The following CPQ variants were observed in gnomAD, a reference collection of about 807,000 sequenced individuals.
The protein encoded by CPQ is Ser-Met dipeptidase.
A neutral mutation model predicts 45.7 loss-of-function variants in CPQ; 37 were observed. That is an observed-to-expected ratio of 0.81 (90% confidence interval 0.62 to 1.07). CPQ has a LOEUF of 1.07. Among genes scored for constraint, CPQ ranks in the 50% least tolerant of loss-of-function variants. The pLI is 0.00. For synonymous variants in CPQ, 186 were observed against 205.8 expected, an observed-to-expected ratio of 0.90 and a Z score of 0.82; for missense variants, 537 against 572.9, an observed-to-expected ratio of 0.94 and a Z score of 0.64.
intron 6 of CPQ, among the ~76,000 whole-genome samples, chr8:97,051,412 G>A (rs900116984): frequency 5.9e-5 from 9 of 152,108 alleles, no homozygotes; most frequent in Non-Finnish European, 8.8e-5. Flanking sequence ...TTATGACTAT[G>A]ATATCAAAGT....
At chr8:96,686,350 A>C (rs1471727072) in intron 1 of CPQ, among the ~76,000 whole-genome samples, 1 of 152,042 alleles carries the variant, frequency 6.6e-6, no homozygotes, top group Non-Finnish European at 1.5e-5. Context: ...ATATTTTGTC[A>C]TATTAAGAGA....
intron 2 of CPQ, among the ~76,000 whole-genome samples, chr8:96,818,264 A>G (rs1811256235): frequency 1.3e-5 from 2 of 151,974 alleles, no homozygotes; most frequent in African/African-American, 4.8e-5. Context: ...CGGACAAGTC[A>G]GAACACAAGC....
chr8:96,860,095 CT>C (rs1253461577), intron 3 of CPQ, among the ~76,000 whole-genome samples: 1 of 152,088 alleles, frequency 6.6e-6, no homozygotes, highest in Non-Finnish European at 1.5e-5. Flanking sequence ...GTTCTATGAA[CT>C]CTTTTAGAGA....
intron 2 of CPQ, among the ~76,000 whole-genome samples, chr8:96,801,913 T>G (rs1160872824): frequency 6.6e-6 from 1 of 152,192 alleles, no homozygotes; most frequent in East Asian, 1.9e-4. Flanking sequence ...AAAATCGTGG[T>G]CAATAATTAA....
chr8:96,657,531 G>A (rs142412034), intron 1 of CPQ, among the ~76,000 whole-genome samples: 47 of 152,222 alleles, frequency 3.1e-4, no homozygotes, highest in Non-Finnish European at 4.3e-4. Flanking sequence ...TCTTTGGATT[G>A]TTGCTTGTTG....
chr8:96,675,107 A>G (rs1809058947), intron 1 of CPQ, among the ~76,000 whole-genome samples: 1 of 152,040 alleles, frequency 6.6e-6, no homozygotes, highest in African/African-American at 2.4e-5. Context: ...AGGCTTTACA[A>G]ATTTTTAGTT....
chr8:96,831,056 G>T (rs893488923), intron 2 of CPQ, among the ~76,000 whole-genome samples: 1 of 152,118 alleles, frequency 6.6e-6, no homozygotes, highest in East Asian at 1.9e-4. Flanking sequence ...GTGAATATTA[G>T]TGTAAATAAT....
intron 4 of CPQ, among the ~76,000 whole-genome samples, chr8:96,965,425 A>G (rs559064966): frequency 7.4e-6 from 1 of 135,830 alleles, no homozygotes; most frequent in South Asian, 2.2e-4. Context: ...CCCGGAGTGC[A>G]GTGGCGCAAT....
rs1158231893 is a variant in CPQ at position 97,066,064 on chromosome 8, C to T, written c.1109C>T (p.Pro370Leu). 1 of 1,611,604 alleles carries T rather than the reference C, an allele frequency of 6.2e-7. No individual in the cohort carries two copies. Among genetic ancestry groups the T allele is most frequent in the Admixed American group, 1.7e-5 (1 of 59,684 alleles). The change falls in exon 7 of 8, where the codon CCC becomes CTC. Residue 370 changes from proline to leucine, a missense_variant. Coordinates refer to ENST00000220763, the MANE Select transcript of CPQ (RefSeq NM_016134.4). ...VMESDAGTFL[P>L]TGLQFTGSEK... ...GAGTCTGACGCAGGAACCTTCTTAC[C>T]CACTGGGCTGCAATTCACTGGCAGT...
At chr8:97,015,490 A>G (rs1348341163) in intron 5 of CPQ, among the ~76,000 whole-genome samples, 2 of 152,158 alleles carry the variant, frequency 1.3e-5, no homozygotes, top group African/African-American at 4.8e-5. Context: ...TATCTCAATC[A>G]AGGTAAAATA....
At chr8:96,926,634 C>CCTTCTT (rs1346468043) in intron 4 of CPQ, among the ~76,000 whole-genome samples, 1 of 74,518 alleles carries the variant, frequency 1.3e-5, no homozygotes, top group South Asian at 3.8e-4. Context: ...TCCTCCTTCT[C>CCTTCTT]CTTCTTCTTC....
chr8:96,783,623 C>A (rs1222837857), intron 1 of CPQ, among the ~76,000 whole-genome samples: 1 of 152,104 alleles, frequency 6.6e-6, no homozygotes, highest in Non-Finnish European at 1.5e-5. Flanking sequence ...AACATTCAAA[C>A]AATAGCAGAC....
At chr8:96,881,974 TCAGA>T (rs1812229376) in intron 4 of CPQ, among the ~76,000 whole-genome samples, 1 of 152,228 alleles carries the variant, frequency 6.6e-6, no homozygotes, top group Non-Finnish European at 1.5e-5. Flanking sequence ...TTTAGAAATT[TCAGA>T]CTTGTATTTT....
At chr8:96,861,573 T>C (rs1811926461) in intron 3 of CPQ, among the ~76,000 whole-genome samples, 1 of 152,172 alleles carries the variant, frequency 6.6e-6, no homozygotes, top group Admixed American at 6.5e-5. Flanking sequence ...TTGCTAATTC[T>C]GGCGTCAGAA....
chr8:96,833,691 C>T (rs1811489082), intron 2 of CPQ, among the ~76,000 whole-genome samples: 1 of 152,150 alleles, frequency 6.6e-6, no homozygotes, highest in African/African-American at 2.4e-5. Context: ...CATAATTATA[C>T]ATTGCTTCTT....
rs1414315838 is a variant in CPQ at position 96,815,016 on chromosome 8, G to A, written c.434-19957G>A. Among the ~76,000 whole-genome samples, 7 of 152,102 alleles carry A rather than the reference G, an allele frequency of 4.6e-5. 1 individual carries two copies. Among genetic ancestry groups the A allele is most frequent in the Non-Finnish European group, 8.8e-5 (6 of 68,016 alleles). The stretch of plus-strand genomic sequence containing the variant: ...GGTTTGGCAACCCCACTTTGCCAGC[G>A]GAGGGTGCAGATGGGGAGTGATTAT... On this transcript the variant is annotated intron_variant, in intron 2 of 7. Transcript: ENST00000220763.
At chr8:96,815,185 A>G (rs1038350914) in intron 2 of CPQ, among the ~76,000 whole-genome samples, 2 of 152,128 alleles carry the variant, frequency 1.3e-5, no homozygotes, top group Non-Finnish European at 2.9e-5. Flanking sequence ...TTTAACCTGA[A>G]CAAAGGTATT....
intron 2 of CPQ, among the ~76,000 whole-genome samples, chr8:96,818,835 T>C (rs1313858195): frequency 6.6e-6 from 1 of 152,162 alleles, no homozygotes; most frequent in Non-Finnish European, 1.5e-5. Flanking sequence ...CTCTTTGTTA[T>C]TCAATCCTCA....
chr8:97,120,281 C>T (rs1586550538), intron 7 of CPQ, among the ~76,000 whole-genome samples: 1 of 152,324 alleles, frequency 6.6e-6, no homozygotes, highest in Middle Eastern at 3.4e-3. Context: ...ACCCTCTATA[C>T]CCAACTCCAG....
Sources: gnomAD v4.1 joint callset for allele counts (sites outside exome capture counted in the v4.1 genomes callset) on GRCh38, gnomAD v4.1.1 for gene constraint, MANE v1.5 for transcripts, NCBI Gene and HGNC (gene_info 2026-07-23, HGNC 2026-07-21) for gene names.